Variants in SYT1 observed in about 807,000 individuals in gnomAD.
SYT1 encodes synaptotagmin 1.
A neutral mutation model predicts 44.8 loss-of-function variants in SYT1; 8 were observed. The ratio of observed to expected loss-of-function variants is 0.18; its 90% CI spans 0.10 to 0.32. SYT1 has a LOEUF of 0.32. SYT1 is among the 10% of genes least tolerant of loss of function. SYT1 has a pLI of 1.00. For missense variants in SYT1, 286 were observed against 509.3 expected (o/e 0.56, Z 4.22); for synonymous variants, 154 against 188.8 (o/e 0.82, Z 1.51).
At chr12:78,923,679 C>T (rs995691795) in intron 1 of SYT1, among the ~76,000 whole-genome samples, 1 of 151,128 alleles carries the variant, frequency 6.6e-6, no homozygotes, top group African/African-American at 2.4e-5. Context: ...TCTCTCTCCA[C>T]CCCCCCTTTC....
chr12:79,113,158 G>A (rs947304135), intron 3 of SYT1, among the ~76,000 whole-genome samples: 1 of 152,046 alleles, frequency 6.6e-6, no homozygotes, highest in Non-Finnish European at 1.5e-5. Context: ...TTTCTGATAT[G>A]TTAACCAAAA....
At chr12:78,951,348 T>C (rs1276169241) in intron 1 of SYT1, among the ~76,000 whole-genome samples, 1 of 152,124 alleles carries the variant, frequency 6.6e-6, no homozygotes, top group African/African-American at 2.4e-5. Flanking sequence ...ACTCTAGGGA[T>C]ATAAAAACAA....
intron 4 of SYT1, among the ~76,000 whole-genome samples, chr12:79,249,398 C>T (rs1044682632): frequency 7.2e-5 from 11 of 152,140 alleles, no homozygotes; most frequent in African/African-American, 2.4e-4. Context: ...GCCACCGCGC[C>T]CGGCCCTCTT....
At chr12:79,085,478 A>G (rs1208906761) in intron 3 of SYT1, among the ~76,000 whole-genome samples, 1 of 152,114 alleles carries the variant, frequency 6.6e-6, no homozygotes, top group Non-Finnish European at 1.5e-5. Context: ...GCAACTGGCC[A>G]TGTCCCAGGG....
rs148490170 is a variant in SYT1 at position 79,237,049 on chromosome 12, C to A, written c.166+19364C>A. 3.3e-5 allele frequency among the ~76,000 whole-genome samples: 5 copies of A among 152,130 alleles called. No homozygotes were observed. The East Asian group carries it at 7.7e-4, about 24-fold the overall frequency. ...GGTAGAATGGATTGTGACGGGGGAA[C>A]CTGGAAGGAGAGAAAGGCAGGACAG... is the stretch of plus-strand genomic sequence containing the variant. On this transcript the variant is annotated intron_variant, in intron 4 of 10. Transcript: ENST00000261205.
chr12:79,415,001 C>T (rs1249886071), intron 9 of SYT1, among the ~76,000 whole-genome samples: 1 of 152,056 alleles, frequency 6.6e-6, no homozygotes, highest in Admixed American at 6.6e-5. Context: ...TTTGCAGGGC[C>T]TTGTTAGGTT....
intron 2 of SYT1, among the ~76,000 whole-genome samples, chr12:78,987,352 C>A (rs1869712046): frequency 6.6e-6 from 1 of 152,058 alleles, no homozygotes; most frequent in Admixed American, 6.6e-5. Flanking sequence ...GAGAAGTACT[C>A]TGAGGCTGAT....
At chr12:79,020,945 A>G (rs543998177) in intron 2 of SYT1, among the ~76,000 whole-genome samples, 1 of 151,954 alleles carries the variant, frequency 6.6e-6, no homozygotes, top group African/African-American at 2.4e-5. Context: ...TAGGAAACTG[A>G]CATTTTCTCT....
chr12:79,305,955 C>T (rs1298839744), intron 8 of SYT1, among the ~76,000 whole-genome samples: 1 of 152,186 alleles, frequency 6.6e-6, no homozygotes, highest in Non-Finnish European at 1.5e-5. Context: ...CCTCGGCCTC[C>T]CAAAGTGCTG....
intron 9 of SYT1, among the ~76,000 whole-genome samples, chr12:79,430,742 T>C (rs1418457491): frequency 1.3e-5 from 2 of 152,210 alleles, no homozygotes; most frequent in East Asian, 3.9e-4. Context: ...GCCATGATTG[T>C]GCCACTGCAC....
intron 1 of SYT1, among the ~76,000 whole-genome samples, chr12:78,947,999 G>T (rs549518044): frequency 6.6e-6 from 1 of 151,644 alleles, no homozygotes; most frequent in Non-Finnish European, 1.5e-5. Flanking sequence ...AACTTTGAAA[G>T]AAAAATAGAT....
chr12:78,996,125 T>A (rs1481314216), intron 2 of SYT1, among the ~76,000 whole-genome samples: 1 of 152,212 alleles, frequency 6.6e-6, no homozygotes, highest in Non-Finnish European at 1.5e-5. Context: ...ACCTCTTTTT[T>A]ACTACCTTCA....
At chr12:79,174,078 T>C (rs1303190154) in intron 3 of SYT1, among the ~76,000 whole-genome samples, 2 of 151,876 alleles carry the variant, frequency 1.3e-5, no homozygotes, top group Non-Finnish European at 2.9e-5. Flanking sequence ...GAAAGAGAAG[T>C]TTTGGAAAAT....
At chr12:78,981,400 A>G (rs925907396) in intron 2 of SYT1, among the ~76,000 whole-genome samples, 3 of 152,076 alleles carry the variant, frequency 2.0e-5, no homozygotes, top group African/African-American at 7.2e-5. Context: ...TTCTGAGATT[A>G]CAGGTGAGAG....
At chr12:79,355,835 A>G (rs1883090479) in intron 9 of SYT1, among the ~76,000 whole-genome samples, 1 of 152,098 alleles carries the variant, frequency 6.6e-6, no homozygotes, top group Non-Finnish European at 1.5e-5. Context: ...ACTTTAAGTC[A>G]ACATTGTTCT....
intron 4 of SYT1, among the ~76,000 whole-genome samples, chr12:79,272,173 T>G (rs1319560346): frequency 2.6e-5 from 4 of 152,178 alleles, no homozygotes; most frequent in Non-Finnish European, 4.4e-5. Flanking sequence ...GGAGTAGAAT[T>G]GAGCAGGGAA....
At chr12:79,254,555 T>A (rs1877407428) in intron 4 of SYT1, among the ~76,000 whole-genome samples, 2 of 152,240 alleles carry the variant, frequency 1.3e-5, no homozygotes, top group African/African-American at 4.8e-5. Flanking sequence ...AGAAGTAATT[T>A]TAACTTTCAA....
intron 4 of SYT1, among the ~76,000 whole-genome samples, chr12:79,231,167 A>G (rs1271455775): frequency 6.6e-6 from 1 of 152,198 alleles, no homozygotes; most frequent in Non-Finnish European, 1.5e-5. Flanking sequence ...TTAGAAGCAG[A>G]AACCAGAGGG....
intron 1 of SYT1, among the ~76,000 whole-genome samples, chr12:78,971,775 C>A (rs1319827688): frequency 6.6e-6 from 1 of 152,058 alleles, no homozygotes; most frequent in Admixed American, 6.6e-5. Context: ...GAAAAGGGCA[C>A]TTTTCACTGA....
Sources: gnomAD v4.1 joint callset for allele counts (sites outside exome capture counted in the v4.1 genomes callset) on GRCh38, gnomAD v4.1.1 for gene constraint, MANE v1.5 for transcripts, NCBI Gene and HGNC (gene_info 2026-07-23, HGNC 2026-07-21) for gene names.